Variants in PRKG1 observed in about 807,000 individuals in gnomAD.
The protein encoded by PRKG1 is cGMP-dependent protein kinase 1.
PRKG1 carries 35 observed loss-of-function variants against 88.1 expected under a neutral mutation model. The ratio of observed to expected loss-of-function variants is 0.40; its 90% CI spans 0.30 to 0.53. The LOEUF (loss-of-function observed/expected upper bound fraction) is 0.53. Among genes scored for constraint, PRKG1 ranks in the 20% least tolerant of loss-of-function variants. The pLI is 0.59. For synonymous variants in PRKG1, 303 were observed against 292.5 expected, an observed-to-expected ratio of 1.04 and a Z score of -0.37; for missense variants, 540 against 839.8, an observed-to-expected ratio of 0.64 and a Z score of 4.41.
chr10:51,680,020 C>G (rs899422216), intron 3 of PRKG1, among the ~76,000 whole-genome samples: 6 of 152,144 alleles, frequency 3.9e-5, no homozygotes, highest in African/African-American at 1.4e-4. Flanking sequence ...ACAACCTCCC[C>G]CTTCCACCAC....
chr10:52,027,042 G>A (rs1464848243), intron 5 of PRKG1, among the ~76,000 whole-genome samples: 2 of 152,188 alleles, frequency 1.3e-5, no homozygotes. Flanking sequence ...AAATTGTTTT[G>A]TGACTGTGTC....
intron 7 of PRKG1, among the ~76,000 whole-genome samples, chr10:52,076,608 GT>G (rs1309277205): frequency 1.3e-5 from 2 of 152,144 alleles, no homozygotes; most frequent in Non-Finnish European, 2.9e-5. Context: ...AAGAATTTCT[GT>G]TTTTTGACAA....
At chr10:51,592,900 T>A (rs1838348646) in intron 3 of PRKG1, among the ~76,000 whole-genome samples, 1 of 152,212 alleles carries the variant, frequency 6.6e-6, no homozygotes, top group South Asian at 2.1e-4. Context: ...ACCTCCAGTT[T>A]TGCATACAGC....
intron 5 of PRKG1, among the ~76,000 whole-genome samples, chr10:51,968,555 G>T (rs549001013): frequency 6.6e-6 from 1 of 152,086 alleles, no homozygotes; most frequent in African/African-American, 2.4e-5. Flanking sequence ...AGGCATGGTG[G>T]TTCATGCCTG....
chr10:51,391,277 G>A (rs1240484972), intron 2 of PRKG1, among the ~76,000 whole-genome samples: 1 of 152,102 alleles, frequency 6.6e-6, no homozygotes, highest in Non-Finnish European at 1.5e-5. Context: ...TTAAAAATTT[G>A]TTTAAAACAA....
rs117284655 is a variant in PRKG1 at position 51,712,003 on chromosome 10, G to A, written c.593-92582G>A. Among the ~76,000 whole-genome samples the A allele has an allele frequency of 8.4e-4, 128 of 152,272 alleles. 1 individual carries two copies. The highest frequency in any genetic ancestry group is 1.3e-3 in the Non-Finnish European group (89 of 68,026). On this transcript the variant is annotated intron_variant, in intron 3 of 17. Coordinates refer to ENST00000373980, the MANE Select transcript of PRKG1 (RefSeq NM_006258.4). The stretch of plus-strand genomic sequence containing the variant: ...GAGGTTTCTATAATAAACAGATGAA[G>A]CAGAGGAAAGCGTATAAATTTAATG...
intron 3 of PRKG1, among the ~76,000 whole-genome samples, chr10:51,470,992 T>A (rs889213455): frequency 6.6e-6 from 1 of 151,782 alleles, no homozygotes; most frequent in African/African-American, 2.4e-5. Context: ...AAAACCACAG[T>A]GATATAGAAA....
intron 3 of PRKG1, among the ~76,000 whole-genome samples, chr10:51,686,613 C>T (rs1453872573): frequency 2.0e-5 from 3 of 152,186 alleles, no homozygotes; most frequent in Admixed American, 2.0e-4. Flanking sequence ...ATTCACAAAA[C>T]ATTCTAGTTA....
chr10:51,997,000 A>T (rs1844462735), intron 5 of PRKG1, among the ~76,000 whole-genome samples: 2 of 152,206 alleles, frequency 1.3e-5, no homozygotes, highest in Admixed American at 1.3e-4. Context: ...AAGGTTATTA[A>T]GTGAAATAAG....
chr10:51,772,971 A>C (rs897751846), intron 3 of PRKG1, among the ~76,000 whole-genome samples: 2 of 152,072 alleles, frequency 1.3e-5, no homozygotes, highest in African/African-American at 4.8e-5. Flanking sequence ...AGCAATGTTA[A>C]TTGGCAGAAC....
At chr10:51,984,335 A>ATAC (rs1801473584) in intron 5 of PRKG1, among the ~76,000 whole-genome samples, 1 of 152,278 alleles carries the variant, frequency 6.6e-6, no homozygotes, top group African/African-American at 2.4e-5. Context: ...TGGCATTGGT[A>ATAC]ACTGCAATAC....
intron 3 of PRKG1, among the ~76,000 whole-genome samples, chr10:51,602,513 C>T (rs190575075): frequency 6.2e-4 from 94 of 151,900 alleles, no homozygotes; most frequent in African/African-American, 2.2e-3. Context: ...TGGATGATAG[C>T]GACTCACTGC....
intron 2 of PRKG1, among the ~76,000 whole-genome samples, chr10:51,192,701 TC>T (rs1452316276): frequency 6.6e-6 from 1 of 151,984 alleles, no homozygotes; most frequent in Non-Finnish European, 1.5e-5. Context: ...CAAATTAACT[TC>T]TAAATTAATG....
chr10:52,039,597 C>G (rs189206443), intron 5 of PRKG1, among the ~76,000 whole-genome samples: 3 of 152,204 alleles, frequency 2.0e-5, no homozygotes, highest in South Asian at 4.1e-4. Context: ...CCAGTTAGTA[C>G]GTATCCTCTG....
chr10:51,464,448 G>C (rs1308350001), intron 2 of PRKG1, among the ~76,000 whole-genome samples: 1 of 152,128 alleles, frequency 6.6e-6, no homozygotes, highest in Non-Finnish European at 1.5e-5. Flanking sequence ...CTGGCTAAGT[G>C]ATTTTTAGCT....
At chr10:51,371,140 A>G (rs954712158) in intron 2 of PRKG1, among the ~76,000 whole-genome samples, 1 of 152,048 alleles carries the variant, frequency 6.6e-6, no homozygotes. Context: ...ATAAGGGTCT[A>G]TAAGGTCCGT....
intron 3 of PRKG1, among the ~76,000 whole-genome samples, chr10:51,770,042 A>T (rs1337286226): frequency 6.6e-6 from 1 of 152,188 alleles, no homozygotes; most frequent in East Asian, 1.9e-4. Flanking sequence ...CGACAGTTTC[A>T]TCTCCTTCAA....
At chr10:51,276,129 G>A (rs1012327761) in intron 2 of PRKG1, among the ~76,000 whole-genome samples, 12 of 150,496 alleles carry the variant, frequency 8.0e-5, no homozygotes, top group African/African-American at 1.7e-4. Flanking sequence ...CCAACCCCAC[G>A]ACAGGCCCCA....
chr10:51,400,481 G>A (rs1473613662), intron 2 of PRKG1, among the ~76,000 whole-genome samples: 1 of 152,150 alleles, frequency 6.6e-6, no homozygotes, highest in Non-Finnish European at 1.5e-5. Flanking sequence ...CCTGAAACAG[G>A]AAGTCAATAC....
Sources: allele counts gnomAD v4.1 joint callset (sites outside exome capture counted in the v4.1 genomes callset), GRCh38; gene constraint gnomAD v4.1.1; transcripts MANE v1.5; gene names NCBI Gene and HGNC (gene_info 2026-07-23, HGNC 2026-07-21).